Variants in EFNA5 observed in about 807,000 individuals in gnomAD.
EFNA5 encodes ephrin A5.
Under a neutral mutation model 22.9 loss-of-function variants are expected in EFNA5, and 5 were observed. That is an observed-to-expected ratio of 0.22 (90% CI 0.11 to 0.46). The LOEUF (loss-of-function observed/expected upper bound fraction) is 0.46, where lower values mean the gene tolerates loss of function less well. Among genes scored for constraint, EFNA5 ranks in the 20% least tolerant of loss-of-function variants. The probability of loss-of-function intolerance (pLI) is 0.99; values close to 1 mark genes in which losing one functional copy is unlikely to be tolerated. For missense variants in EFNA5, 237 were observed against 293.3 expected (o/e 0.81, Z 1.40); for synonymous variants, 113 against 112.2 (o/e 1.01, Z -0.04).
chr5:107,498,244 C>T (rs1405448858), intron 1 of EFNA5, among the ~76,000 whole-genome samples: 1 of 152,200 alleles, frequency 6.6e-6, no homozygotes, highest in Non-Finnish European at 1.5e-5. Context: ...GGTACAGTGA[C>T]AGTTTCAATG....
chr5:107,392,532 C>G (rs953321007), intron 2 of EFNA5, among the ~76,000 whole-genome samples: 1 of 152,188 alleles, frequency 6.6e-6, no homozygotes, highest in Non-Finnish European at 1.5e-5. Context: ...GAATCCTTCT[C>G]ACTGAGCCTT....
At chr5:107,441,299 G>A (rs1361540567) in intron 1 of EFNA5, among the ~76,000 whole-genome samples, 1 of 152,134 alleles carries the variant, frequency 6.6e-6, no homozygotes, top group Non-Finnish European at 1.5e-5. Flanking sequence ...CTGGCCAGGT[G>A]AGCAGATTAG....
chr5:107,577,182 C>T (rs1290828909), intron 1 of EFNA5, among the ~76,000 whole-genome samples: 1 of 152,134 alleles, frequency 6.6e-6, no homozygotes, highest in Non-Finnish European at 1.5e-5. Context: ...TTTCCTCAGG[C>T]CCTGAGGGGG....
intron 1 of EFNA5, among the ~76,000 whole-genome samples, chr5:107,462,848 T>C (rs1193429732): frequency 6.6e-6 from 1 of 152,202 alleles, no homozygotes; most frequent in African/African-American, 2.4e-5. Context: ...CCTTTTTCTT[T>C]GTGCTAAGAT....
chr5:107,382,876 A>G (rs143810086), intron 4 of EFNA5, among the ~76,000 whole-genome samples: 101 of 152,288 alleles, frequency 6.6e-4, no homozygotes, highest in African/African-American at 2.4e-3. Context: ...TAATCCCTAA[A>G]TACCCCTGGA....
intron 1 of EFNA5, among the ~76,000 whole-genome samples, chr5:107,450,754 T>C (rs961293232): frequency 2.0e-5 from 3 of 152,256 alleles, no homozygotes; most frequent in Non-Finnish European, 2.9e-5. Flanking sequence ...TCTAAAATTA[T>C]ATGGTATTGT....
At chr5:107,525,033 A>G (rs905394969) in intron 1 of EFNA5, among the ~76,000 whole-genome samples, 2 of 152,200 alleles carry the variant, frequency 1.3e-5, no homozygotes, top group South Asian at 4.1e-4. Flanking sequence ...GTAATAGCAA[A>G]GTATAAGGGA....
chr5:107,522,508 C>T (rs1747618692), intron 1 of EFNA5, among the ~76,000 whole-genome samples: 1 of 152,164 alleles, frequency 6.6e-6, no homozygotes, highest in Non-Finnish European at 1.5e-5. Context: ...AAGTGGTCCT[C>T]ACACTTCAGC....
intron 2 of EFNA5, among the ~76,000 whole-genome samples, chr5:107,419,337 C>A (rs1338579518): frequency 6.6e-6 from 1 of 152,176 alleles, no homozygotes. Context: ...TCCCTAAACT[C>A]ATTCTTTAAA....
At chr5:107,665,831 G>T (rs1295927897) in intron 1 of EFNA5, among the ~76,000 whole-genome samples, 1 of 152,064 alleles carries the variant, frequency 6.6e-6, no homozygotes, top group Non-Finnish European at 1.5e-5. Context: ...ATTAAAAAGG[G>T]GGGAGGGTCA....
intron 1 of EFNA5, among the ~76,000 whole-genome samples, chr5:107,647,685 T>C (rs1325505954): frequency 6.6e-6 from 1 of 152,102 alleles, no homozygotes; most frequent in East Asian, 1.9e-4. Flanking sequence ...CAAACACACA[T>C]TTTACTGTCG....
At position 107,387,760 on chromosome 5, in the gene EFNA5, G is replaced by A; in HGVS notation, c.430C>T (p.Pro144Ser). 1 of 1,612,020 alleles carries A rather than the reference G, an allele frequency of 6.2e-7. No homozygotes were observed. The highest frequency in any genetic ancestry group is 8.5e-7 in the Non-Finnish European group (1 of 1,178,596). Residue 144 changes from proline to serine, a missense_variant, in exon 3 of 5, where the codon CCA becomes TCA. Pro to Ser is a moderately conservative substitution (Grantham distance 74). Transcript: ENST00000333274. ...AGACAGGACCTTCTTCCATTATCTGGGATTGCAGAGGCTGTGGGTAACACA... is the reference window on the plus strand; with the variant it reads ...AGACAGGACCTTCTTCCATTATCTGAGATTGCAGAGGCTGTGGGTAACACA... ...REYFYISSAI[P>S]DNGRRSCLKL...
chr5:107,643,871 TTAA>T (rs148571029), intron 1 of EFNA5, among the ~76,000 whole-genome samples: 4,772 of 146,210 alleles, frequency 0.033, 248 homozygotes, highest in African/African-American at 0.12. Context: ...TCTATTTTCT[TTAA>T]TAATAATAAT....
intron 1 of EFNA5, among the ~76,000 whole-genome samples, chr5:107,500,689 G>A (rs562842712): frequency 4.8e-4 from 73 of 152,170 alleles, no homozygotes; most frequent in South Asian, 1.9e-3. Context: ...TGAAGCACAT[G>A]TCCCTTAAAA....
chr5:107,599,402 A>G (rs1316753395), intron 1 of EFNA5, among the ~76,000 whole-genome samples: 1 of 150,452 alleles, frequency 6.6e-6, no homozygotes, highest in East Asian at 1.9e-4. Context: ...TAGGGATTAT[A>G]AAACATATAT....
intron 1 of EFNA5, among the ~76,000 whole-genome samples, chr5:107,645,897 C>A (rs552982851): frequency 1.4e-4 from 22 of 152,192 alleles, no homozygotes; most frequent in African/African-American, 5.1e-4. Flanking sequence ...TGGCCTGAAG[C>A]CGTCACCTGT....
At chr5:107,441,769 G>A (rs1319718466) in intron 1 of EFNA5, among the ~76,000 whole-genome samples, 1 of 152,140 alleles carries the variant, frequency 6.6e-6, no homozygotes, top group South Asian at 2.1e-4. Flanking sequence ...AGATGTCAGA[G>A]ATGTTTCCAA....
chr5:107,537,499 T>A (rs1747953213), intron 1 of EFNA5, among the ~76,000 whole-genome samples: 1 of 152,172 alleles, frequency 6.6e-6, no homozygotes, highest in Non-Finnish European at 1.5e-5. Context: ...CTTGGGAAGC[T>A]GAGGCAGGAA....
At chr5:107,665,370 A>G (rs370994977) in intron 1 of EFNA5, among the ~76,000 whole-genome samples, 3 of 152,218 alleles carry the variant, frequency 2.0e-5, no homozygotes, top group African/African-American at 7.2e-5. Flanking sequence ...TCACAAGGTT[A>G]ATTTGCACCC....
Sources: gnomAD v4.1 joint callset for allele counts (sites outside exome capture counted in the v4.1 genomes callset) on GRCh38, gnomAD v4.1.1 for gene constraint, MANE v1.5 for transcripts, NCBI Gene and HGNC (gene_info 2026-07-23, HGNC 2026-07-21) for gene names.